Variants in MRAP2 observed in about 807,000 individuals in gnomAD.
The protein encoded by MRAP2 is melanocortin 2 receptor accessory protein 2, also known as melanocortin-2 receptor accessory protein 2.
In MRAP2, 20 loss-of-function variants were observed where a neutral mutation model predicts 17.4. The ratio of observed to expected loss-of-function variants is 1.15; its 90% CI spans 0.81 to 1.67. MRAP2 has a LOEUF of 1.67. Among genes scored for constraint, MRAP2 ranks in the 40% most tolerant of loss-of-function variants. The pLI, the probability that MRAP2 is intolerant of heterozygous loss-of-function variation, is 0.00. For missense variants in MRAP2, 238 were observed against 240.0 expected, an observed-to-expected ratio of 0.99 and a Z score of 0.05; for synonymous variants, 96 against 88.4, an observed-to-expected ratio of 1.09 and a Z score of -0.48.
chr6:84,076,852 T>C (rs2099497752), intron 3 of MRAP2, among the ~76,000 whole-genome samples: 3 of 152,230 alleles, frequency 2.0e-5, no homozygotes, highest in Non-Finnish European at 4.4e-5. Context: ...GCTAGTGGAA[T>C]AATCCAGAGC....
At chr6:84,108,823 C>T in the MRAP2 span, among the ~76,000 whole-genome samples, 2 of 152,140 alleles carry the variant, frequency 1.3e-5, no homozygotes, top group Non-Finnish European at 2.9e-5. Context: ...ACATTTAAGT[C>T]TTTAATTCAT....
At chr6:84,072,761 G>A (rs981912158) in intron 3 of MRAP2, among the ~76,000 whole-genome samples, 1 of 152,070 alleles carries the variant, frequency 6.6e-6, no homozygotes, top group Non-Finnish European at 1.5e-5. Context: ...AGCTGCTGTG[G>A]GAGATGGGGG....
At chr6:84,056,058 A>G (rs1268958860) in intron 2 of MRAP2, among the ~76,000 whole-genome samples, 1 of 152,232 alleles carries the variant, frequency 6.6e-6, no homozygotes, top group East Asian at 1.9e-4. Flanking sequence ...CTGACTGGCC[A>G]GCATGGAACA....
the MRAP2 span, among the ~76,000 whole-genome samples, chr6:84,129,278 C>A: frequency 1.3e-5 from 2 of 152,188 alleles, no homozygotes; most frequent in Non-Finnish European, 2.9e-5. Flanking sequence ...CTGTCTCCCA[C>A]AGTGGTTGAA....
the MRAP2 span, among the ~76,000 whole-genome samples, chr6:84,118,115 C>T: frequency 2.0e-5 from 3 of 151,834 alleles, no homozygotes; most frequent in Non-Finnish European, 4.4e-5. Flanking sequence ...AGCCAGCCTC[C>T]CACACCCAGG....
the MRAP2 span, among the ~76,000 whole-genome samples, chr6:84,115,630 A>G: frequency 5.3e-5 from 8 of 152,088 alleles, no homozygotes; most frequent in African/African-American, 1.9e-4. Flanking sequence ...TATGGAAAAA[A>G]AAACACTCCT....
intron 3 of MRAP2, among the ~76,000 whole-genome samples, chr6:84,081,571 C>G (rs1361081969): frequency 6.6e-6 from 1 of 152,142 alleles, no homozygotes; most frequent in East Asian, 1.9e-4. Flanking sequence ...ATAATCCCAG[C>G]AGTTTGGGAG....
At chr6:84,122,892 A>C in the MRAP2 span, among the ~76,000 whole-genome samples, 1 of 152,242 alleles carries the variant, frequency 6.6e-6, no homozygotes, top group South Asian at 2.1e-4. Flanking sequence ...TTCAGGATAC[A>C]AAATCAATAT....
the MRAP2 span, among the ~76,000 whole-genome samples, chr6:84,100,614 T>C: frequency 6.6e-6 from 1 of 152,256 alleles, no homozygotes; most frequent in African/African-American, 2.4e-5. Context: ...CTCCCTAAAT[T>C]CCACTCATTT....
chr6:84,129,890 A>G, the MRAP2 span, among the ~76,000 whole-genome samples: 1 of 152,038 alleles, frequency 6.6e-6, no homozygotes, highest in Admixed American at 6.6e-5. Flanking sequence ...AACTTCCATT[A>G]CTAAGTTGAA....
chr6:84,104,961 G>A, the MRAP2 span, among the ~76,000 whole-genome samples: 3 of 152,114 alleles, frequency 2.0e-5, no homozygotes, highest in South Asian at 2.1e-4. Flanking sequence ...AAAATGCCAC[G>A]AGTCTCTTTG....
chr6:84,082,825 T>C (rs2099499341), intron 3 of MRAP2, among the ~76,000 whole-genome samples: 1 of 152,150 alleles, frequency 6.6e-6, no homozygotes, highest in African/African-American at 2.4e-5. Context: ...TTCTCCTTTT[T>C]GTCTTTTTTT....
chr6:84,075,325 C>G (rs936612867), intron 3 of MRAP2, among the ~76,000 whole-genome samples: 2 of 152,132 alleles, frequency 1.3e-5, no homozygotes, highest in African/African-American at 4.8e-5. Context: ...TTGGTGAGCA[C>G]TGAGAAGGTA....
chr6:84,055,918 G>A (rs1203488743), intron 2 of MRAP2, among the ~76,000 whole-genome samples: 2 of 152,178 alleles, frequency 1.3e-5, no homozygotes, highest in Admixed American at 6.5e-5. Flanking sequence ...AATAGCCTGC[G>A]ATCATTTCTA....
chr6:84,046,296 A>C (rs1341976880), intron 1 of MRAP2, among the ~76,000 whole-genome samples: 1 of 152,166 alleles, frequency 6.6e-6, no homozygotes, highest in African/African-American at 2.4e-5. Flanking sequence ...TGGTCTCTAG[A>C]AAACATTCCC....
chr6:84,069,487 CAGTT>C (rs967340653), intron 3 of MRAP2, among the ~76,000 whole-genome samples: 7 of 151,500 alleles, frequency 4.6e-5, no homozygotes, highest in Non-Finnish European at 2.9e-5. Context: ...TTGTTGGACT[CAGTT>C]AGCTAGTATT....
intron 1 of MRAP2, among the ~76,000 whole-genome samples, chr6:84,053,818 C>T (rs963982105): frequency 6.6e-6 from 1 of 152,090 alleles, no homozygotes; most frequent in East Asian, 1.9e-4. Flanking sequence ...GATTGGCAAA[C>T]TTTTTCTATA....
Position 84,061,989 on chromosome 6 carries a change from GCAGAGAGAGCACT to G in MRAP2, c.128-901_128-889del, listed in dbSNP as rs146919993. On this transcript the variant is annotated intron_variant, in intron 2 of 3. Coordinates refer to ENST00000257776, the MANE Select transcript of MRAP2 (RefSeq NM_138409.4). ...AATAAAGCACAGGGAAAGGCAGAAG[GCAGAGAGAGCACT>G]CAAGAGGCCATCTGTATGTTCTCTG... 3,149 of 985,358 alleles carry G rather than the reference GCAGAGAGAGCACT, an allele frequency of 3.2e-3. 78 individuals are homozygous for G. In the African/African-American group the frequency reaches 0.051, roughly 16 times the overall value. The allele number at this position is 985,358 out of a possible 1,614,324, so 61.0% of individuals were successfully genotyped here.
chr6:84,144,592 C>T, the MRAP2 span, among the ~76,000 whole-genome samples: 1 of 152,082 alleles, frequency 6.6e-6, no homozygotes, highest in Non-Finnish European at 1.5e-5. Context: ...CTGACAAATA[C>T]AGGCTTCTGA....
Sources: allele counts gnomAD v4.1 joint callset (sites outside exome capture counted in the v4.1 genomes callset), GRCh38; gene constraint gnomAD v4.1.1; transcripts MANE v1.5; gene names NCBI Gene and HGNC (gene_info 2026-07-23, HGNC 2026-07-21).